The following SYT16 variants were observed in gnomAD, a reference collection of about 807,000 sequenced individuals.
SYT16 encodes synaptotagmin 16, also known as synaptotagmin-16.
A neutral mutation model predicts 61.4 loss-of-function variants in SYT16; 42 were observed. That is an observed-to-expected ratio of 0.68 (90% CI 0.53 to 0.89). The LOEUF is 0.89. Ranked by LOEUF, SYT16 falls within the 40% of genes least tolerant of loss-of-function variation. The probability of loss-of-function intolerance (pLI) is 0.00; values close to 1 mark genes in which losing one functional copy is unlikely to be tolerated. For missense variants in SYT16, 804 were observed against 807.3 expected, an observed-to-expected ratio of 1.00 and a Z score of 0.05; for synonymous variants, 314 against 302.3, an observed-to-expected ratio of 1.04 and a Z score of -0.40.
intron 1 of SYT16, among the ~76,000 whole-genome samples, chr14:61,871,510 T>C (rs2047332319): frequency 6.6e-6 from 1 of 152,202 alleles, no homozygotes; most frequent in Non-Finnish European, 1.5e-5. Context: ...CCCTGTCCCG[T>C]GACCTGCTCT....
At chr14:62,059,800 A>ACACACACACT (rs2055746176) in intron 3 of SYT16, among the ~76,000 whole-genome samples, 4 of 150,290 alleles carry the variant, frequency 2.7e-5, no homozygotes, top group Non-Finnish European at 4.4e-5. Flanking sequence ...ACACACACAC[A>ACACACACACT]CTCAATGTGA....
At chr14:62,007,326 T>A (rs1469189178) in intron 3 of SYT16, among the ~76,000 whole-genome samples, 1 of 152,190 alleles carries the variant, frequency 6.6e-6, no homozygotes, top group Admixed American at 6.5e-5. Context: ...TAAATTTATC[T>A]TCATTTGTTA....
chr14:61,858,325 G>C (rs2046849808), intron 1 of SYT16, among the ~76,000 whole-genome samples: 1 of 151,814 alleles, frequency 6.6e-6, no homozygotes, highest in Admixed American at 6.6e-5. Flanking sequence ...GCCATTAGAG[G>C]AACAATAATT....
At chr14:61,920,499 CTT>C (rs986658439) in intron 1 of SYT16, among the ~76,000 whole-genome samples, 8 of 152,114 alleles carry the variant, frequency 5.3e-5, no homozygotes, top group African/African-American at 1.9e-4. Context: ...TCCTCTCTCT[CTT>C]CTTAGATGAT....
rs752164997 is a variant in SYT16, at chr14:62,075,310, C to T, written c.912C>T (p.Ser304=). ...QSLRRQSTEG[S]LEMETAFNSR... is the part of the protein sequence containing the mutation. ...TCAGGCGCCAATCCACAGAGGGCAGCTTGGAGATGGAGACAGCTTTTAATA... is the reference window on the plus strand; with the variant it reads ...TCAGGCGCCAATCCACAGAGGGCAGTTTGGAGATGGAGACAGCTTTTAATA... The change falls in exon 5 of 8, where the codon AGC becomes AGT. Residue 304 remains serine, a synonymous_variant. Coordinates refer to ENST00000683842, the MANE Select transcript of SYT16 (RefSeq NM_001367656.1). 41 of 1,613,758 alleles carry T rather than the reference C, an allele frequency of 2.5e-5. 1 individual carries two copies. The highest frequency in any genetic ancestry group is 2.0e-4 in the South Asian group (18 of 91,074).
At chr14:61,832,618 A>G (rs188663631) in intron 1 of SYT16, among the ~76,000 whole-genome samples, 2 of 151,946 alleles carry the variant, frequency 1.3e-5, no homozygotes, top group African/African-American at 2.4e-5. Flanking sequence ...TTGTATTTTT[A>G]GTATAGATGG....
At chr14:61,979,993 G>A (rs2052001478) in intron 2 of SYT16, among the ~76,000 whole-genome samples, 1 of 152,198 alleles carries the variant, frequency 6.6e-6, no homozygotes, top group South Asian at 2.1e-4. Flanking sequence ...AGGATTGAAT[G>A]CTCTTTAGAA....
chr14:62,086,911 A>G (rs1028551358), intron 7 of SYT16, among the ~76,000 whole-genome samples: 3 of 152,238 alleles, frequency 2.0e-5, no homozygotes, highest in African/African-American at 7.2e-5. Context: ...CAGAAAGCCA[A>G]TAGTGAAGAC....
chr14:61,954,960 G>T (rs2050814639), intron 1 of SYT16, among the ~76,000 whole-genome samples: 1 of 151,970 alleles, frequency 6.6e-6, no homozygotes, highest in Admixed American at 6.6e-5. Flanking sequence ...TATATATTTT[G>T]AATTTAAAAC....
chr14:61,947,942 A>G (rs1283512832), intron 1 of SYT16, among the ~76,000 whole-genome samples: 1 of 152,208 alleles, frequency 6.6e-6, no homozygotes, highest in Non-Finnish European at 1.5e-5. Context: ...AGTGATTATT[A>G]TGAGGCAATG....
At chr14:61,864,423 G>T (rs927087620) in intron 1 of SYT16, among the ~76,000 whole-genome samples, 2 of 152,256 alleles carry the variant, frequency 1.3e-5, no homozygotes, top group African/African-American at 4.8e-5. Flanking sequence ...CGAGCTGGGC[G>T]TGCACAGACA....
chr14:62,078,132 T>G (rs1051548402), intron 5 of SYT16, among the ~76,000 whole-genome samples: 2 of 136,246 alleles, frequency 1.5e-5, no homozygotes, highest in African/African-American at 5.9e-5. Context: ...TCTCTAGTGC[T>G]CTCTCGCTCT....
At chr14:61,812,626 C>G (rs945872928), upstream of SYT16, 1 of 147,088 alleles carries the variant, frequency 6.8e-6, no homozygotes, top group Non-Finnish European at 1.5e-5. Flanking sequence ...CTGGCGGCTG[C>G]TGGGCGCGGG....
intron 2 of SYT16, among the ~76,000 whole-genome samples, chr14:61,973,299 A>G (rs922293453): frequency 6.6e-6 from 1 of 152,190 alleles, no homozygotes; most frequent in African/African-American, 2.4e-5. Flanking sequence ...AAGAAACTGG[A>G]ATGGTGTTTT....
At chr14:61,820,950 A>G (rs1178332869) in intron 1 of SYT16, among the ~76,000 whole-genome samples, 1 of 152,176 alleles carries the variant, frequency 6.6e-6, no homozygotes, top group Admixed American at 6.5e-5. Flanking sequence ...TGTCTCAGAC[A>G]TCTGCTCTGG....
chr14:62,005,425 T>A (rs1367666696), intron 3 of SYT16, among the ~76,000 whole-genome samples: 1 of 152,128 alleles, frequency 6.6e-6, no homozygotes, highest in Non-Finnish European at 1.5e-5. Flanking sequence ...CCAAGGTTCC[T>A]ATCCATTCTG....
chr14:61,940,917 G>A (rs150890690), intron 1 of SYT16, among the ~76,000 whole-genome samples: 45 of 152,290 alleles, frequency 3.0e-4, no homozygotes, highest in Non-Finnish European at 5.7e-4. Flanking sequence ...ATCACAGATA[G>A]GCTTTGCCTT....
At chr14:62,075,612 AAAAAAAAG>A (rs1462562570) in intron 5 of SYT16, among the ~76,000 whole-genome samples, 7 of 114,344 alleles carry the variant, frequency 6.1e-5, no homozygotes, top group East Asian at 2.3e-4. Flanking sequence ...GGTAAAAAAA[AAAAAAAAG>A]AAAAAAAGAA....
chr14:62,100,930 ATTAT>A lies in SYT16; in HGVS notation c.*224_*227del. 1 of 506,988 alleles carries A rather than the reference ATTAT, an allele frequency of 2.0e-6. No homozygotes were observed. Among genetic ancestry groups the A allele is most frequent in the Non-Finnish European group, 3.5e-6 (1 of 286,328 alleles). The allele number at this position is 506,988 out of a possible 1,614,324, so 31.4% of individuals were successfully genotyped here. ...ACAGTGAAGTGTCCGTATGGAAAAT[ATTAT>A]ACCACAATTAAGACCACTGATGAGT... On this transcript the variant is annotated 3_prime_UTR_variant, in exon 8 of 8. Coordinates refer to ENST00000683842, the MANE Select transcript of SYT16 (RefSeq NM_001367656.1).
Sources: allele counts gnomAD v4.1 joint callset (sites outside exome capture counted in the v4.1 genomes callset), GRCh38; gene constraint gnomAD v4.1.1; transcripts MANE v1.5; gene names NCBI Gene and HGNC (gene_info 2026-07-23, HGNC 2026-07-21).